Variants in RGS6 observed in about 807,000 individuals in gnomAD.
RGS6 encodes regulator of G-protein signaling 6.
A neutral mutation model predicts 78.5 loss-of-function variants in RGS6; 30 were observed. That is an observed-to-expected ratio of 0.38 (90% CI 0.29 to 0.52). The LOEUF (loss-of-function observed/expected upper bound fraction) is 0.52, where lower values mean the gene tolerates loss of function less well. Ranked by LOEUF, RGS6 falls within the 20% of genes least tolerant of loss-of-function variation. The pLI is 0.85. For synonymous variants in RGS6, 206 were observed against 206.0 expected (o/e 1.00, Z 0.00); for missense variants, 495 against 609.7 (o/e 0.81, Z 1.98).
intron 2 of RGS6, among the ~76,000 whole-genome samples, chr14:72,216,314 A>G (rs184368367): frequency 8.9e-4 from 135 of 152,270 alleles, no homozygotes; most frequent in Non-Finnish European, 1.7e-3. Context: ...TATTTTAGCT[A>G]TTGGATTATG....
intron 2 of RGS6, among the ~76,000 whole-genome samples, chr14:72,146,289 G>A (rs780426117): frequency 1.3e-5 from 2 of 152,206 alleles, no homozygotes; most frequent in South Asian, 2.1e-4. Context: ...TGGGGGTTAA[G>A]TTTCCAACTC....
chr14:71,963,015 T>A (rs1471036234), intron 1 of RGS6, among the ~76,000 whole-genome samples: 7 of 152,230 alleles, frequency 4.6e-5, no homozygotes. Context: ...ATAACATTTG[T>A]ATAGGACTTT....
At chr14:72,395,465 A>G (rs1362877127) in intron 3 of RGS6, among the ~76,000 whole-genome samples, 2 of 152,332 alleles carry the variant, frequency 1.3e-5, no homozygotes, top group East Asian at 3.9e-4. Flanking sequence ...TATATACAGA[A>G]GTAAATGAAA....
intron 2 of RGS6, among the ~76,000 whole-genome samples, chr14:72,333,225 A>G (rs1453078854): frequency 6.6e-6 from 1 of 152,222 alleles, no homozygotes; most frequent in African/African-American, 2.4e-5. Flanking sequence ...GCAAATGATC[A>G]TTTCCGGGGG....
At chr14:72,306,865 A>G (rs540659533) in intron 2 of RGS6, among the ~76,000 whole-genome samples, 1 of 152,360 alleles carries the variant, frequency 6.6e-6, no homozygotes, top group Non-Finnish European at 1.5e-5. Flanking sequence ...ATATTACATA[A>G]AGTTAGTTGA....
At chr14:72,485,337 C>T (rs2096467508) in intron 12 of RGS6, among the ~76,000 whole-genome samples, 2 of 152,178 alleles carry the variant, frequency 1.3e-5, no homozygotes, top group African/African-American at 4.8e-5. Flanking sequence ...AAGCTCTTTA[C>T]ATACCTCTAT....
At chr14:71,961,139 T>C (rs752970076) in intron 1 of RGS6, among the ~76,000 whole-genome samples, 1 of 152,154 alleles carries the variant, frequency 6.6e-6, no homozygotes, top group Non-Finnish European at 1.5e-5. Context: ...AGATGGGGGA[T>C]GCTCCACCGC....
intron 15 of RGS6, among the ~76,000 whole-genome samples, chr14:72,524,631 T>C (rs1411831938): frequency 2.0e-5 from 3 of 152,220 alleles, no homozygotes; most frequent in Admixed American, 6.5e-5. Context: ...ACCCATGTCA[T>C]GAACATCCAT....
At chr14:72,408,436 G>A (rs2153039792) in intron 3 of RGS6, among the ~76,000 whole-genome samples, 1 of 152,264 alleles carries the variant, frequency 6.6e-6, no homozygotes, top group South Asian at 2.1e-4. Flanking sequence ...TTTGTTCTCA[G>A]TCCTGTAGGT....
At chr14:72,332,758 G>C (rs1317194444) in intron 2 of RGS6, among the ~76,000 whole-genome samples, 1 of 152,208 alleles carries the variant, frequency 6.6e-6, no homozygotes, top group African/African-American at 2.4e-5. Context: ...GGGGGCTGTG[G>C]CAAGAGATGG....
At chr14:72,395,068 A>G (rs1055400323) in intron 3 of RGS6, among the ~76,000 whole-genome samples, 1 of 152,220 alleles carries the variant, frequency 6.6e-6, no homozygotes, top group Non-Finnish European at 1.5e-5. Flanking sequence ...ATTATTAGAC[A>G]TTTCAATCTG....
chr14:72,196,269 T>C (rs971930951), intron 2 of RGS6, among the ~76,000 whole-genome samples: 2 of 152,190 alleles, frequency 1.3e-5, no homozygotes, highest in Non-Finnish European at 2.9e-5. Flanking sequence ...TGTGGGTTTT[T>C]GCTGGGAGAT....
At chr14:72,578,448 C>A in the RGS6 span, among the ~76,000 whole-genome samples, 3,633 of 152,300 alleles carry the variant, frequency 0.024, 153 homozygotes, top group African/African-American at 0.083. Context: ...AGAACTTGAC[C>A]TTCACTATTT....
At chr14:72,399,325 G>A (rs1266746128) in intron 3 of RGS6, among the ~76,000 whole-genome samples, 3 of 152,210 alleles carry the variant, frequency 2.0e-5, no homozygotes, top group African/African-American at 7.2e-5. Context: ...TTGATTTAAA[G>A]TCTGTTTTAT....
At chr14:72,017,932 C>T (rs1416352743) in intron 2 of RGS6, among the ~76,000 whole-genome samples, 1 of 152,174 alleles carries the variant, frequency 6.6e-6, no homozygotes, top group East Asian at 1.9e-4. Flanking sequence ...GATGCTACCC[C>T]ACACCTCACA....
At chr14:72,160,288 C>T (rs966886250) in intron 2 of RGS6, among the ~76,000 whole-genome samples, 1 of 152,154 alleles carries the variant, frequency 6.6e-6, no homozygotes, top group Non-Finnish European at 1.5e-5. Context: ...ACTACAATTA[C>T]TTCTTTTTTC....
intron 3 of RGS6, among the ~76,000 whole-genome samples, chr14:72,453,459 CA>C (rs57089193): frequency 0.06 from 8,784 of 145,560 alleles, 315 homozygotes; most frequent in Middle Eastern, 0.09. Context: ...ACTAAAAATA[CA>C]AAAAAATTAG....
intron 2 of RGS6, among the ~76,000 whole-genome samples, chr14:72,109,639 GGT>G (rs1597716104): frequency 6.6e-6 from 1 of 152,252 alleles, no homozygotes; most frequent in East Asian, 1.9e-4. Flanking sequence ...AAATAAACAT[GGT>G]CTGGAGTAGA....
At chr14:72,378,826 CCTAA>C (rs780298268) in intron 3 of RGS6, among the ~76,000 whole-genome samples, 7 of 152,050 alleles carry the variant, frequency 4.6e-5, no homozygotes, top group Non-Finnish European at 7.4e-5. Flanking sequence ...GGAAATTTTT[CCTAA>C]CTCATTCTAT....
Sources: allele counts gnomAD v4.1 joint callset (sites outside exome capture counted in the v4.1 genomes callset), GRCh38; gene constraint gnomAD v4.1.1; transcripts MANE v1.5; gene names NCBI Gene and HGNC (gene_info 2026-07-23, HGNC 2026-07-21).